SRBD1: variants seen among roughly 807,000 people sequenced by gnomAD.
SRBD1 encodes the protein S1 RNA binding domain 1, also known as S1 RNA-binding domain-containing protein 1.
A neutral mutation model predicts 115.3 loss-of-function variants in SRBD1; 88 were observed. The observed-to-expected ratio is 0.76, with a 90% CI of 0.64 to 0.91. The LOEUF (loss-of-function observed/expected upper bound fraction) is 0.91. Ranked by LOEUF, SRBD1 falls within the 40% of genes least tolerant of loss-of-function variation. The pLI, the probability that SRBD1 is intolerant of heterozygous loss-of-function variation, is 0.00. For synonymous variants in SRBD1, 509 were observed against 407.7 expected (o/e 1.25, Z -2.99); for missense variants, 1,385 against 1,177.4 (o/e 1.18, Z -2.58).
intron 16 of SRBD1, among the ~76,000 whole-genome samples, chr2:45,428,943 A>G (rs1226131647): frequency 6.6e-6 from 1 of 152,218 alleles, no homozygotes; most frequent in Non-Finnish European, 1.5e-5. Flanking sequence ...AAACAGACAT[A>G]ATAAAAAATG....
At chr2:45,463,990 T>C (rs1669403956) in intron 16 of SRBD1, among the ~76,000 whole-genome samples, 1 of 152,178 alleles carries the variant, frequency 6.6e-6, no homozygotes, top group Non-Finnish European at 1.5e-5. Context: ...TGGATAAAGA[T>C]ATTACACTTT....
intron 14 of SRBD1, among the ~76,000 whole-genome samples, chr2:45,510,301 A>ATTTC (rs1412132616): frequency 6.6e-6 from 1 of 152,200 alleles, no homozygotes; most frequent in Non-Finnish European, 1.5e-5. Context: ...GTGGGAAGGG[A>ATTTC]TATTTTTAAA....
chr2:45,537,986 G>C (rs1294945915), intron 14 of SRBD1, among the ~76,000 whole-genome samples: 2 of 152,192 alleles, frequency 1.3e-5, no homozygotes, highest in African/African-American at 4.8e-5. Context: ...ACCCATTGGA[G>C]AGCAGGCAAG....
intron 14 of SRBD1, among the ~76,000 whole-genome samples, chr2:45,522,670 T>C (rs987238499): frequency 2.0e-5 from 3 of 152,208 alleles, no homozygotes; most frequent in Admixed American, 6.5e-5. Flanking sequence ...CCTCTTCCTT[T>C]TTCTCTTCAG....
At chr2:45,425,141 A>T (rs797005125) in intron 16 of SRBD1, among the ~76,000 whole-genome samples, 7 of 152,278 alleles carry the variant, frequency 4.6e-5, no homozygotes, top group African/African-American at 1.7e-4. Flanking sequence ...GGCCACTTTG[A>T]GTAAGGATCT....
intron 14 of SRBD1, among the ~76,000 whole-genome samples, chr2:45,515,835 G>C (rs959850872): frequency 1.3e-5 from 2 of 152,172 alleles, no homozygotes; most frequent in Admixed American, 6.5e-5. Context: ...TATACAGAAA[G>C]ACCACTGTCA....
At chr2:45,446,469 G>A (rs1668826980) in intron 16 of SRBD1, among the ~76,000 whole-genome samples, 1 of 152,050 alleles carries the variant, frequency 6.6e-6, no homozygotes, top group Admixed American at 6.6e-5. Context: ...AATCCTTAAG[G>A]ATCCTCCCAA....
At chr2:45,557,927 A>C (rs1429550976) in intron 10 of SRBD1, among the ~76,000 whole-genome samples, 2 of 152,176 alleles carry the variant, frequency 1.3e-5, no homozygotes, top group African/African-American at 4.8e-5. Context: ...ATGAAGCACA[A>C]AACTGAGGTG....
chr2:45,532,312 T>TC (rs1671638012), intron 14 of SRBD1, among the ~76,000 whole-genome samples: 2 of 151,826 alleles, frequency 1.3e-5, no homozygotes, highest in Non-Finnish European at 2.9e-5. Flanking sequence ...ACCAGGGAAT[T>TC]CCTATCAACC....
chr2:45,430,801 A>G (rs1373171205), intron 16 of SRBD1, among the ~76,000 whole-genome samples: 3 of 152,256 alleles, frequency 2.0e-5, no homozygotes, highest in African/African-American at 7.2e-5. Flanking sequence ...AATGGGATCT[A>G]ACTAAACTAA....
At chr2:45,461,063 T>C (rs984569167) in intron 16 of SRBD1, among the ~76,000 whole-genome samples, 4 of 152,186 alleles carry the variant, frequency 2.6e-5, no homozygotes, top group Non-Finnish European at 5.9e-5. Flanking sequence ...CTCTCCTCTA[T>C]AGCCTGTCTT....
At chr2:45,424,884 G>C (rs542057017) in intron 16 of SRBD1, among the ~76,000 whole-genome samples, 2 of 152,268 alleles carry the variant, frequency 1.3e-5, no homozygotes, top group South Asian at 4.1e-4. Flanking sequence ...AATAGAGTGA[G>C]AGAGAACTAG....
chr2:45,421,592 G>A lies in SRBD1; in HGVS notation c.2050-1698C>T, dbSNP rs542875769. ...AATTGATGAAATGCAATATTTTAAA[G>A]TATTTGTTGACTAACTGAAGCTAGG... On this transcript the variant is annotated intron_variant, in intron 16 of 20. Transcript: ENST00000263736. Among the ~76,000 whole-genome samples the A allele has an allele frequency of 4.7e-5, 6 of 127,090 alleles. No homozygotes were observed. In the South Asian group the frequency reaches 1.7e-3, roughly 36 times the overall value. The allele number at this position is 127,090 out of a possible 152,430, so 83.4% of individuals were successfully genotyped here.
chr2:45,490,302 TCA>T (rs1670253769), intron 14 of SRBD1, among the ~76,000 whole-genome samples: 4 of 152,156 alleles, frequency 2.6e-5, no homozygotes, highest in African/African-American at 7.2e-5. Flanking sequence ...GCAGGATTAA[TCA>T]GAACTGCATG....
In SRBD1 at chr2:45,579,897, C is replaced by T. The variant is rs1277172335; in HGVS notation, c.1050G>A (p.Ser350=). ...TACCTTTAACGTCAGGCCTAATGTA[C>T]GATAGCAGACTGAGCTCCCCTGGTT... ...LEKPGELSLL[S]YIRPDVKGLS... is the part of the protein sequence containing the mutation. Residue 350 remains serine (S), a synonymous_variant, in exon 7 of 21, where the codon TCG becomes TCA. Coordinates refer to ENST00000263736, the MANE Select transcript of SRBD1 (RefSeq NM_018079.5). 1.2e-6 allele frequency: 2 copies of T among 1,604,570 alleles called. No individual in the cohort carries two copies. Among genetic ancestry groups the T allele is most frequent in the East Asian group, 2.2e-5 (1 of 44,598 alleles).
Position 45,602,014 on chromosome 2 carries a change from G to A in SRBD1, c.150C>T (p.Ser50=), listed in dbSNP as rs1465200348. The A allele has an allele frequency of 5.6e-6, 9 of 1,614,194 alleles. 1 individual carries two copies. The South Asian group carries it at 7.7e-5, about 14-fold the overall frequency. Residue 50 remains serine, a synonymous_variant, in exon 3 of 21, where the codon AGC becomes AGT. Transcript: ENST00000263736. ...AWEPQKKVPR[S]RKQPPPKESK... ...ATTCCTTGGGAGGGGGCTGTTTACG[G>A]CTTCTGGGAACTTTCTTTTGGGGCT...
intron 9 of SRBD1, among the ~76,000 whole-genome samples, chr2:45,572,844 C>G (rs962938439): frequency 4.6e-5 from 7 of 152,112 alleles, no homozygotes; most frequent in Non-Finnish European, 1.0e-4. Context: ...ACCTCTCACA[C>G]TTTATTCTAA....
At position 45,562,676 on chromosome 2, in the gene SRBD1, GA is replaced by G; in HGVS notation, c.1385del (p.Phe462SerfsTer20). On this transcript the variant is annotated frameshift_variant, in exon 10 of 21. Transcript: ENST00000263736. LOFTEE classifies it high-confidence loss of function. ...ACCTGTTTTGGATGCACCACCTACAGAATTCATCCTTCACTCCATCAGAAAT... is the reference window on the plus strand; with the variant it reads ...ACCTGTTTTGGATGCACCACCTACAGATTCATCCTTCACTCCATCAGAAAT... ...VNISDGVKDE[F>X]CRWCIQNRWR... The G allele has an allele frequency of 6.2e-7, 1 of 1,609,814 alleles. No homozygotes were observed. The highest frequency in any genetic ancestry group is 8.5e-7 in the Non-Finnish European group (1 of 1,178,950).
chr2:45,413,035 A>C (rs1478430094), intron 19 of SRBD1, 79 bp downstream of exon 19: 39 of 1,483,574 alleles, frequency 2.6e-5, no homozygotes, highest in Admixed American at 9.4e-5. Flanking sequence ...TTCAGTTTCC[A>C]TTATGCCAAA....
Sources: gnomAD v4.1 joint callset for allele counts (sites outside exome capture counted in the v4.1 genomes callset) on GRCh38, gnomAD v4.1.1 for gene constraint, MANE v1.5 for transcripts, NCBI Gene and HGNC (gene_info 2026-07-23, HGNC 2026-07-21) for gene names.